The following SUGCT variants were observed in gnomAD, a reference collection of about 807,000 sequenced individuals.
The protein encoded by SUGCT is succinyl-CoA:glutarate CoA-transferase.
In SUGCT, 41 loss-of-function variants were observed where a neutral mutation model predicts 55.0. The observed-to-expected ratio is 0.74, with a 90% CI of 0.58 to 0.97. The LOEUF (loss-of-function observed/expected upper bound fraction) is 0.97, where lower values mean the gene tolerates loss of function less well. Ranked by LOEUF, SUGCT falls within the 50% of genes least tolerant of loss-of-function variation. The pLI is 0.00. For synonymous variants in SUGCT, 187 were observed against 200.4 expected, an observed-to-expected ratio of 0.93 and a Z score of 0.56; for missense variants, 568 against 547.8, an observed-to-expected ratio of 1.04 and a Z score of -0.37.
chr7:40,897,347 C>A, the SUGCT span, among the ~76,000 whole-genome samples: 1 of 152,036 alleles, frequency 6.6e-6, no homozygotes, highest in African/African-American at 2.4e-5. Flanking sequence ...TAGAATTAAA[C>A]TACTGATATT....
In SUGCT at chr7:40,661,338, C is replaced by T. The variant is rs188210746; in HGVS notation, c.1090-88096C>T. On this transcript the variant is annotated intron_variant, in intron 12 of 13. Coordinates refer to ENST00000335693, the MANE Select transcript of SUGCT (RefSeq NM_001193313.2). ...TTTTTCTTAGATCCTGTCTTTTGTA[C>T]CTTCTGAAAGATTCAGTTACCATTA... Among the ~76,000 whole-genome samples the T allele has an allele frequency of 2.5e-3, 377 of 152,258 alleles. 1 individual carries two copies. The highest frequency in any genetic ancestry group is 7.6e-3 in the Admixed American group (116 of 15,304).
the SUGCT span, among the ~76,000 whole-genome samples, chr7:40,945,786 T>C: frequency 6.6e-6 from 1 of 152,142 alleles, no homozygotes; most frequent in Non-Finnish European, 1.5e-5. Flanking sequence ...AGGGCCAAAC[T>C]ACTGTGAATG....
intron 13 of SUGCT, among the ~76,000 whole-genome samples, chr7:40,809,522 A>AACCT (rs1247432598): frequency 6.6e-6 from 1 of 152,174 alleles, no homozygotes; most frequent in Non-Finnish European, 1.5e-5. Context: ...AGGTTACTTT[A>AACCT]ACCTAGTATG....
intron 3 of SUGCT, among the ~76,000 whole-genome samples, chr7:40,188,124 T>C (rs1276622202): frequency 6.6e-6 from 1 of 151,974 alleles, no homozygotes; most frequent in Non-Finnish European, 1.5e-5. Flanking sequence ...ATTTTTATTT[T>C]CAAGGTCACT....
chr7:40,900,579 G>A, the SUGCT span, among the ~76,000 whole-genome samples: 2 of 152,188 alleles, frequency 1.3e-5, no homozygotes, highest in South Asian at 2.1e-4. Flanking sequence ...TTTGTCAAAC[G>A]CATCGTCTGT....
intron 6 of SUGCT, among the ~76,000 whole-genome samples, chr7:40,210,289 G>T (rs1787258567): frequency 1.3e-5 from 2 of 151,596 alleles, no homozygotes; most frequent in Non-Finnish European, 2.9e-5. Flanking sequence ...CTTGTGATCT[G>T]CCCACTTTGG....
At chr7:40,800,845 A>C (rs1790782130) in intron 13 of SUGCT, among the ~76,000 whole-genome samples, 1 of 152,190 alleles carries the variant, frequency 6.6e-6, no homozygotes, top group African/African-American at 2.4e-5. Context: ...CACACATATT[A>C]ATTAACTTAA....
At chr7:40,928,948 T>G in the SUGCT span, among the ~76,000 whole-genome samples, 1 of 152,178 alleles carries the variant, frequency 6.6e-6, no homozygotes, top group Non-Finnish European at 1.5e-5. Context: ...CTATCTAAAA[T>G]TGTACTTTAA....
At chr7:40,965,959 G>A in the SUGCT span, 10 of 152,158 alleles carry the variant, frequency 6.6e-5, no homozygotes, top group Non-Finnish European at 1.5e-5. Context: ...CACAAGGCAG[G>A]TTTCAGGGTG....
At chr7:40,443,638 G>A (rs1342946505) in intron 9 of SUGCT, among the ~76,000 whole-genome samples, 1 of 152,122 alleles carries the variant, frequency 6.6e-6, no homozygotes. Context: ...TGTGTGATGG[G>A]TAGATTGCAA....
chr7:40,890,344 T>A, the SUGCT span, among the ~76,000 whole-genome samples: 32 of 145,332 alleles, frequency 2.2e-4, no homozygotes, highest in Non-Finnish European at 4.1e-4. Context: ...AATATATAAA[T>A]ATTAATATAT....
chr7:40,741,613 C>A (rs1787465858), intron 12 of SUGCT, among the ~76,000 whole-genome samples: 1 of 152,086 alleles, frequency 6.6e-6, no homozygotes, highest in African/African-American at 2.4e-5. Flanking sequence ...TAGGTTTATA[C>A]CCTAGAAAAA....
At chr7:40,163,058 T>C (rs1466557297) in intron 1 of SUGCT, among the ~76,000 whole-genome samples, 2 of 152,174 alleles carry the variant, frequency 1.3e-5, no homozygotes, top group African/African-American at 4.8e-5. Flanking sequence ...AGTAGAGGCC[T>C]GGAGGATTTC....
intron 10 of SUGCT, among the ~76,000 whole-genome samples, chr7:40,458,431 C>A (rs1345712221): frequency 1.3e-5 from 2 of 152,080 alleles, no homozygotes; most frequent in South Asian, 4.1e-4. Context: ...AAGAGGAAAT[C>A]TATAAAAGCA....
intron 1 of SUGCT, chr7:40,152,598 T>G (rs1788631638): frequency 5.3e-6 from 1 of 187,776 alleles, no homozygotes; most frequent in Non-Finnish European, 1.3e-5. Flanking sequence ...GTTCAGGAGT[T>G]TTAAGATTAC....
chr7:40,482,829 T>A (rs952507479), intron 11 of SUGCT, among the ~76,000 whole-genome samples: 1 of 152,208 alleles, frequency 6.6e-6, no homozygotes, highest in Non-Finnish European at 1.5e-5. Flanking sequence ...TCTTAATACA[T>A]TAACCCACAT....
At chr7:40,300,616 T>C (rs898726692) in intron 8 of SUGCT, among the ~76,000 whole-genome samples, 18 of 152,316 alleles carry the variant, frequency 1.2e-4, no homozygotes, top group Admixed American at 4.6e-4. Flanking sequence ...TATGAGTATA[T>C]GGATATATGA....
chr7:40,861,408 A>G (rs1794482398), downstream of SUGCT, among the ~76,000 whole-genome samples: 1 of 152,240 alleles, frequency 6.6e-6, no homozygotes, highest in Non-Finnish European at 1.5e-5. Context: ...GATATAAAGT[A>G]TAAAAAACAC....
intron 13 of SUGCT, among the ~76,000 whole-genome samples, chr7:40,843,928 T>C (rs1414646426): frequency 6.6e-6 from 1 of 152,118 alleles, no homozygotes; most frequent in African/African-American, 2.4e-5. Flanking sequence ...ATATTTCCCT[T>C]GACCTCTTTG....
Sources: gnomAD v4.1 joint callset for allele counts (sites outside exome capture counted in the v4.1 genomes callset) on GRCh38, gnomAD v4.1.1 for gene constraint, MANE v1.5 for transcripts, NCBI Gene and HGNC (gene_info 2026-07-23, HGNC 2026-07-21) for gene names.